Variants in NCAPD2 observed in about 807,000 individuals in gnomAD.
NCAPD2 encodes the protein condensin complex subunit 1.
A neutral mutation model predicts 164.5 loss-of-function variants in NCAPD2; 100 were observed. That is an observed-to-expected ratio of 0.61 (90% CI 0.52 to 0.72). The LOEUF is 0.72. NCAPD2 is among the 30% of genes least tolerant of loss of function. The pLI is 0.00. For missense variants in NCAPD2, 1,560 were observed against 1,749.2 expected, an observed-to-expected ratio of 0.89 and a Z score of 1.93; for synonymous variants, 585 against 642.6, an observed-to-expected ratio of 0.91 and a Z score of 1.36.
Position 6,526,910 on chromosome 12 carries a change from C to G in NCAPD2, c.2754C>G (p.Leu918=). ...QEDPKESPAM[L]PTFLLMNLLS... is the part of the protein sequence containing the mutation. ...CTCCAGAGGAGTCCCCCGCAATGCT[C>G]CCCACTTTCCTGTTGATGAACCTGC... Residue 918 remains leucine (L), a synonymous_variant, in exon 22 of 32, where the codon CTC becomes CTG. Transcript: ENST00000315579. 2 of 1,613,204 alleles carry G rather than the reference C, an allele frequency of 1.2e-6. No individual in the cohort carries two copies. Among genetic ancestry groups the G allele is most frequent in the South Asian group, 2.2e-5 (2 of 90,992 alleles).
intron 2 of NCAPD2, among the ~76,000 whole-genome samples, chr12:6,497,064 T>C (rs1268963359): frequency 6.6e-6 from 1 of 152,226 alleles, no homozygotes; most frequent in Non-Finnish European, 1.5e-5. Flanking sequence ...CTGGTTTAAC[T>C]GATCAAGCTT....
At chr12:6,519,270 T>G (rs1219388328) in intron 13 of NCAPD2, among the ~76,000 whole-genome samples, 1 of 152,208 alleles carries the variant, frequency 6.6e-6, no homozygotes, top group Admixed American at 6.5e-5. Flanking sequence ...TCTTTTTATT[T>G]TGCTAAAGCA....
chr12:6,528,523 CT>C lies in NCAPD2; in HGVS notation c.3300-153del. The C allele has an allele frequency of 8.8e-7, 1 of 1,140,328 alleles. No homozygotes were observed. The highest frequency in any genetic ancestry group is 1.2e-6 in the Non-Finnish European group (1 of 805,968). The allele number at this position is 1,140,328 out of a possible 1,614,324, so 70.6% of individuals were successfully genotyped here. A position where few individuals can be genotyped will look rare whatever the true frequency, so the allele number is the denominator to read the frequency against. On this transcript the variant is annotated intron_variant, in intron 25 of 31. Coordinates refer to ENST00000315579, the MANE Select transcript of NCAPD2 (RefSeq NM_014865.4). The surrounding 1 kb of genome is among the most constrained non-coding windows in gnomAD (Gnocchi z 5.1). Reference sequence around the variant, plus strand: ...ACACTTCTGGTTAGAAGCTTCACCTCTTTCCCCCACTCCAGCTTTCAACTCT... The same window carrying C: ...ACACTTCTGGTTAGAAGCTTCACCTCTTCCCCCACTCCAGCTTTCAACTCT...
chr12:6,528,661 C>T lies in NCAPD2; in HGVS notation c.3300-18C>T, dbSNP rs2137061419. 6.2e-7 allele frequency: 1 copy of T among 1,604,242 alleles called. No individual in the cohort carries two copies. The highest frequency in any genetic ancestry group is 1.7e-5 in the Admixed American group (1 of 59,840). On this transcript the variant is annotated intron_variant, in intron 25 of 31. Coordinates refer to ENST00000315579, the MANE Select transcript of NCAPD2 (RefSeq NM_014865.4). This position sits in a 1 kb window ranked among gnomAD's most constrained non-coding sequence, Gnocchi z 5.1. ...GCCCGGAGGTCTCGGTCCCCATGAC[C>T]CGCAATTCCATTCCTAGTCTCCGGG...
At chr12:6,518,526 T>G (rs1384522481) in intron 13 of NCAPD2, among the ~76,000 whole-genome samples, 1 of 123,318 alleles carries the variant, frequency 8.1e-6, no homozygotes, top group African/African-American at 3.3e-5. Flanking sequence ...TTTTTTTTTT[T>G]TTTTTTTTGA....
At position 6,514,755 on chromosome 12, in the gene NCAPD2, G is replaced by GT. The variant is rs1161327684; in HGVS notation, c.840-14dup. 1 of 1,613,830 alleles carries GT rather than the reference G, an allele frequency of 6.2e-7. No homozygotes were observed. The highest frequency in any genetic ancestry group is 2.2e-5 in the East Asian group (1 of 44,886). On this transcript the variant is annotated splice_polypyrimidine_tract_variant and intron_variant, in intron 8 of 31. Coordinates refer to ENST00000315579, the MANE Select transcript of NCAPD2 (RefSeq NM_014865.4). The stretch of plus-strand genomic sequence containing the variant: ...AATTGATCTATGTTGCTATGGCTGT[G>GT]TTTTCTTCCCTGTGTAGAGAGATTG...
In NCAPD2 at chr12:6,503,008, C is replaced by CTTTTTTTTTTTTTTT. The variant is rs58563520; in HGVS notation, c.128-6702_128-6688dup. 9.3e-5 allele frequency among the ~76,000 whole-genome samples: 8 copies of CTTTTTTTTTTTTTTT among 86,286 alleles called. 1 individual carries two copies. The highest frequency in any genetic ancestry group is 1.6e-4 in the Non-Finnish European group (7 of 43,704). The allele number at this position is 86,286 out of a possible 152,430, so 56.6% of individuals were successfully genotyped here. On this transcript the variant is annotated intron_variant, in intron 2 of 31. Transcript: ENST00000315579. ...TACAGGCGCATGCCACCACACCTGG[C>CTTTTTTTTTTTTTTT]TTTTTTTTTTTTTTTTTTTTTGTAT... is the stretch of plus-strand genomic sequence containing the variant.
intron 13 of NCAPD2, among the ~76,000 whole-genome samples, chr12:6,519,398 G>GAGT (rs1946243612): frequency 6.6e-6 from 1 of 152,144 alleles, no homozygotes; most frequent in Non-Finnish European, 1.5e-5. Context: ...GCCCAGGCTG[G>GAGT]AGTACAGTAG....
intron 2 of NCAPD2, among the ~76,000 whole-genome samples, chr12:6,504,224 GATATAT>G (rs1224500991): frequency 3.0e-5 from 1 of 32,816 alleles, no homozygotes; most frequent in Non-Finnish European, 5.5e-5. Flanking sequence ...TATAGATATA[GATATAT>G]ATATATATAT....
At chr12:6,500,961 A>T (rs1946028826) in intron 2 of NCAPD2, among the ~76,000 whole-genome samples, 1 of 152,004 alleles carries the variant, frequency 6.6e-6, no homozygotes, top group Admixed American at 6.6e-5. Context: ...ACGACTCAGG[A>T]TATATTTTCA....
At chr12:6,520,798 G>T (rs1215633054) in intron 13 of NCAPD2, among the ~76,000 whole-genome samples, 188 bp from the exon 14 acceptor site, 2 of 152,128 alleles carry the variant, frequency 1.3e-5, no homozygotes, top group African/African-American at 2.4e-5. Flanking sequence ...AGCAGTCAGG[G>T]GAAAAAAATA....
chr12:6,525,667 T>A lies in NCAPD2; in HGVS notation c.2299T>A (p.Cys767Ser), dbSNP rs749876235. ...GCGGGCCACCGAGAAGGTCGCCTGC[T>A]GTCCTCTGGAGCGCTGTTCCTCTGT... ...WERATEKVAC[C>S]PLERCSSVML... is the part of the protein sequence containing the mutation. Residue 767 changes from cysteine (C) to serine (S), a missense_variant, in exon 18 of 32, where the codon TGT becomes AGT. Transcript: ENST00000315579. 26 of 1,613,680 alleles carry A rather than the reference T, an allele frequency of 1.6e-5. No homozygotes were observed. The Admixed American group carries it at 4.3e-4, about 27-fold the overall frequency.
At chr12:6,524,180 G>A (rs1365274148) in intron 17 of NCAPD2, among the ~76,000 whole-genome samples, 2 of 152,074 alleles carry the variant, frequency 1.3e-5, no homozygotes, top group African/African-American at 4.8e-5. Flanking sequence ...AGCGGTTTGG[G>A]GTAGAATGGT....
Position 6,500,345 on chromosome 12 carries a change from G to A in NCAPD2, c.127+5120G>A, listed in dbSNP as rs749166415. ...ATCATCAGAGAAGGCTTGCTGTTACGTCACGTTTGAGCAGAGACCTTAAGA... is the reference window on the plus strand; with the variant it reads ...ATCATCAGAGAAGGCTTGCTGTTACATCACGTTTGAGCAGAGACCTTAAGA... On this transcript the variant is annotated intron_variant, in intron 2 of 31. Transcript: ENST00000315579. Among the ~76,000 whole-genome samples, 8 of 152,246 alleles carry A rather than the reference G, an allele frequency of 5.3e-5. 1 individual carries two copies. The South Asian group carries it at 1.2e-3, about 24-fold the overall frequency.
At position 6,495,165 on chromosome 12, in the gene NCAPD2, G is replaced by T. The variant is rs61753197; in HGVS notation, c.67G>T (p.Val23Leu). 0.027 allele frequency: 43,551 copies of T among 1,614,066 alleles called. 711 individuals carry two copies. Among genetic ancestry groups the T allele is most frequent in the Non-Finnish European group, 0.031 (36,317 of 1,179,980 alleles). The change falls in exon 2 of 32, where the codon GTG (valine) becomes TTG (leucine). Residue 23 changes from valine (V) to leucine (L), a missense_variant. Transcript: ENST00000315579. Reference protein sequence around the residue: ...SPEELLKSGGVNQYVVQEVLS... With the variant: ...SPEELLKSGGLNQYVVQEVLS... ...AGAGGAGTTGTTGAAAAGTGGAGGG[G>T]TGAATCAGTATGTTGTGCAAGAGGT...
rs1946324112 is a variant in NCAPD2 at position 6,527,031 on chromosome 12, C to T, written c.2875C>T (p.Gln959Ter). 6.2e-7 allele frequency: 1 copy of T among 1,613,310 alleles called. No homozygotes were observed. Among genetic ancestry groups the T allele is most frequent in the Non-Finnish European group, 8.5e-7 (1 of 1,179,634 alleles). The change falls in exon 22 of 32, where the codon CAG becomes TAG. Residue 959 changes from glutamine to a stop codon, truncating the protein, a stop_gained. Transcript: ENST00000315579. LOFTEE classifies it high-confidence loss of function. ...CCGGCGCCGAGTTCTCCGGGAAGAA[C>T]AGGAGCACAAGACCAAAGATCCCAA... Reference protein sequence around the residue: ...LCRRRVLREEQEHKTKDPKEK... With the variant: ...LCRRRVLREE
chr12:6,511,200 T>C lies in NCAPD2; in HGVS notation c.535T>C (p.Leu179=), dbSNP rs201452228. 2.0e-5 allele frequency: 32 copies of C among 1,614,130 alleles called. No homozygotes were observed. The highest frequency in any genetic ancestry group is 1.6e-4 in the Middle Eastern group (1 of 6,084). ...ILQLLTQLLQ[L]DIRHLWNHSI... ...TCAGCTTTTAACACAGCTACTTCAGTTGGACATCCGTCACCTGTGGAACCA... is the reference window on the plus strand; with the variant it reads ...TCAGCTTTTAACACAGCTACTTCAGCTGGACATCCGTCACCTGTGGAACCA... Residue 179 remains leucine, a synonymous_variant, in exon 6 of 32, where the codon TTG becomes CTG. Transcript: ENST00000315579.
At chr12:6,520,191 A>AAAT (rs1555139807) in intron 13 of NCAPD2, among the ~76,000 whole-genome samples, 3 of 149,520 alleles carry the variant, frequency 2.0e-5, no homozygotes, top group East Asian at 1.9e-4. Context: ...TAAAAAAAAA[A>AAAT]ATATATATAT....
intron 18 of NCAPD2, among the ~76,000 whole-genome samples, 173 bp from the exon 19 acceptor site, chr12:6,525,895 G>A (rs183593530): frequency 2.2e-4 from 34 of 152,300 alleles, no homozygotes; most frequent in Admixed American, 1.1e-3. Flanking sequence ...TAGTAGTAGT[G>A]GGATTCAGTA....
Sources: allele counts gnomAD v4.1 joint callset (sites outside exome capture counted in the v4.1 genomes callset), GRCh38; gene constraint gnomAD v4.1.1; non-coding constraint Gnocchi (gnomAD v3.1); transcripts MANE v1.5; gene names NCBI Gene and HGNC (gene_info 2026-07-23, HGNC 2026-07-21).